The following SLC44A5 variants were observed in gnomAD, a reference collection of about 807,000 sequenced individuals.
The protein encoded by SLC44A5 is choline transporter-like protein 5.
A neutral mutation model predicts 101.8 loss-of-function variants in SLC44A5; 57 were observed. That is an observed-to-expected ratio of 0.56 (90% CI 0.45 to 0.70). The LOEUF (loss-of-function observed/expected upper bound fraction) is 0.70, where lower values mean the gene tolerates loss of function less well. SLC44A5 is among the 30% of genes least tolerant of loss of function. SLC44A5 has a pLI of 0.00. For synonymous variants in SLC44A5, 281 were observed against 290.9 expected, an observed-to-expected ratio of 0.97 and a Z score of 0.35; for missense variants, 737 against 853.1, an observed-to-expected ratio of 0.86 and a Z score of 1.70.
chr1:75,399,952 T>A (rs1557744730), intron 2 of SLC44A5, among the ~76,000 whole-genome samples: 1 of 152,154 alleles, frequency 6.6e-6, no homozygotes, highest in Non-Finnish European at 1.5e-5. Context: ...CAACAGTAGG[T>A]TAGATAAAGA....
chr1:75,326,641 A>G (rs1267321416), intron 4 of SLC44A5, among the ~76,000 whole-genome samples: 3 of 152,182 alleles, frequency 2.0e-5, no homozygotes, highest in Admixed American at 6.5e-5. Flanking sequence ...TTCAGCACTT[A>G]TATTATGTAC....
chr1:75,400,977 T>C (rs1036950), intron 2 of SLC44A5, among the ~76,000 whole-genome samples: 29,957 of 152,152 alleles, frequency 0.2, 4,180 homozygotes, highest in East Asian at 0.81. Context: ...TATACTGCAA[T>C]AGACAAGGCA....
intron 2 of SLC44A5, among the ~76,000 whole-genome samples, chr1:75,490,936 A>C (rs1668394384): frequency 6.6e-6 from 1 of 152,148 alleles, no homozygotes. Flanking sequence ...TTTTTAAAAA[A>C]AAAAAGTGAT....
At chr1:75,438,596 A>G (rs1665017810) in intron 2 of SLC44A5, among the ~76,000 whole-genome samples, 1 of 152,102 alleles carries the variant, frequency 6.6e-6, no homozygotes, top group Non-Finnish European at 1.5e-5. Flanking sequence ...ACTAAGACTA[A>G]GCTTTAGGCA....
intron 2 of SLC44A5, among the ~76,000 whole-genome samples, chr1:75,420,798 T>C (rs1557767288): frequency 2.0e-5 from 3 of 152,124 alleles, no homozygotes; most frequent in Admixed American, 6.5e-5. Flanking sequence ...AATTTTCATA[T>C]CAAAGGCCAA....
rs374281134 is a variant in SLC44A5, at chr1:75,432,725, T to C, written c.14-36104A>G. On this transcript the variant is annotated intron_variant, in intron 2 of 23. Transcript: ENST00000370859. ...CTTAGTACTGTAGCTCAAAATACATTTCAAATGATGTTTAGAGATCTCTGT... is the reference window on the plus strand; with the variant it reads ...CTTAGTACTGTAGCTCAAAATACATCTCAAATGATGTTTAGAGATCTCTGT... Among the ~76,000 whole-genome samples the C allele has an allele frequency of 2.6e-4, 40 of 152,218 alleles. No homozygotes were observed. The South Asian group carries it at 8.1e-3, about 31-fold the overall frequency.
chr1:75,385,281 A>C (rs1213937964), intron 3 of SLC44A5, among the ~76,000 whole-genome samples: 5 of 147,412 alleles, frequency 3.4e-5, no homozygotes, highest in Non-Finnish European at 5.9e-5. Context: ...TGGTTTTTTG[A>C]AAGGATCAAC....
At position 75,341,659 on chromosome 1, in the gene SLC44A5, C is replaced by T. The variant is rs573658872; in HGVS notation, c.53-2029G>A. On this transcript the variant is annotated intron_variant, in intron 3 of 23. Transcript: ENST00000370859. ...ATAGAGAATGCTGTGGGGCACAGGG[C>T]GGGTCACGAATGAACAGGCTTCACA... Among the ~76,000 whole-genome samples, 7 of 152,152 alleles carry T rather than the reference C, an allele frequency of 4.6e-5. No homozygotes were observed. In the South Asian group the frequency reaches 1.2e-3, roughly 27 times the overall value.
At chr1:75,393,078 A>AC (rs1433246920) in intron 3 of SLC44A5, among the ~76,000 whole-genome samples, 4 of 152,150 alleles carry the variant, frequency 2.6e-5, no homozygotes, top group Admixed American at 2.0e-4. Flanking sequence ...GACAGATTCT[A>AC]CCTCAATAGT....
intron 7 of SLC44A5, among the ~76,000 whole-genome samples, chr1:75,245,531 A>G (rs577201134): frequency 6.6e-6 from 1 of 152,262 alleles, no homozygotes; most frequent in South Asian, 2.1e-4. Context: ...CTTCTATTGA[A>G]TACACTTAAA....
chr1:75,227,619 A>T, intron 13 of SLC44A5, 107 bp downstream of exon 13: 1 of 777,264 alleles, frequency 1.3e-6, no homozygotes. Flanking sequence ...TTATGACACT[A>T]GTGATAAATA....
chr1:75,443,425 TACAA>T (rs1207519531), intron 2 of SLC44A5, among the ~76,000 whole-genome samples: 2 of 151,940 alleles, frequency 1.3e-5, no homozygotes, highest in Admixed American at 6.6e-5. Flanking sequence ...GGTGTATAAC[TACAA>T]ACATAGGAAT....
chr1:75,278,296 C>A (rs1006130530), intron 5 of SLC44A5, among the ~76,000 whole-genome samples: 1 of 151,940 alleles, frequency 6.6e-6, no homozygotes. Flanking sequence ...TTAAATGTAG[C>A]TATCAGAAAA....
At chr1:75,570,244 G>A (rs942865796) in intron 1 of SLC44A5, among the ~76,000 whole-genome samples, 1 of 152,172 alleles carries the variant, frequency 6.6e-6, no homozygotes, top group Admixed American at 6.5e-5. Flanking sequence ...ATGACAGGAT[G>A]TAAGTAACTA....
intron 1 of SLC44A5, among the ~76,000 whole-genome samples, chr1:75,553,892 G>A (rs549926944): frequency 6.6e-6 from 1 of 151,894 alleles, no homozygotes; most frequent in African/African-American, 2.4e-5. Flanking sequence ...GCAGGAGGAG[G>A]AGGAGGAGGA....
intron 16 of SLC44A5, 52 bp from the exon 17 acceptor site, chr1:75,218,804 A>G: frequency 6.6e-7 from 1 of 1,521,426 alleles, no homozygotes; most frequent in Non-Finnish European, 8.9e-7. Flanking sequence ...TCACTCCAAG[A>G]TAACAACTCC....
chr1:75,391,758 A>G (rs143593231), intron 3 of SLC44A5, among the ~76,000 whole-genome samples: 9 of 152,200 alleles, frequency 5.9e-5, no homozygotes, highest in Non-Finnish European at 8.8e-5. Context: ...AAGACCTCAA[A>G]CTATAAGAAT....
intron 2 of SLC44A5, among the ~76,000 whole-genome samples, chr1:75,451,585 A>G (rs887141118): frequency 6.6e-6 from 1 of 152,138 alleles, no homozygotes; most frequent in African/African-American, 2.4e-5. Flanking sequence ...GCATCTCCAG[A>G]TGAGAAGCAA....
chr1:75,296,555 T>C (rs887055417), intron 5 of SLC44A5, among the ~76,000 whole-genome samples: 1 of 152,076 alleles, frequency 6.6e-6, no homozygotes, highest in Non-Finnish European at 1.5e-5. Flanking sequence ...TTTTTTTAGC[T>C]AGATCATTGA....
Sources: allele counts gnomAD v4.1 joint callset (sites outside exome capture counted in the v4.1 genomes callset), GRCh38; gene constraint gnomAD v4.1.1; transcripts MANE v1.5; gene names NCBI Gene and HGNC (gene_info 2026-07-23, HGNC 2026-07-21).